The following MECOM variants were observed in gnomAD, a reference collection of about 807,000 sequenced individuals.
The protein encoded by MECOM is histone-lysine N-methyltransferase MECOM.
Under a neutral mutation model 116.3 loss-of-function variants are expected in MECOM, and 13 were observed. The observed-to-expected ratio is 0.11, with a 90% CI of 0.07 to 0.18. The LOEUF (loss-of-function observed/expected upper bound fraction) is 0.18, where lower values mean the gene tolerates loss of function less well. MECOM is among the 10% of genes least tolerant of loss of function. MECOM has a pLI of 1.00. For synonymous variants in MECOM, 528 were observed against 535.2 expected, an observed-to-expected ratio of 0.99 and a Z score of 0.19; for missense variants, 1,299 against 1,509.0, an observed-to-expected ratio of 0.86 and a Z score of 2.31.
intron 10 of MECOM, 121 bp downstream of exon 10, chr3:169,107,805 A>G (rs1725920714): frequency 1.3e-6 from 1 of 747,260 alleles, no homozygotes; most frequent in Non-Finnish European, 2.2e-6. Context: ...ATCTGCTGGA[A>G]CCATATCACG....
At chr3:169,092,559 C>T (rs531694074) in intron 14 of MECOM, among the ~76,000 whole-genome samples, 13 of 152,030 alleles carry the variant, frequency 8.6e-5, no homozygotes, top group South Asian at 2.1e-4. Context: ...ATCCCTGTGA[C>T]GGCTTTCTCT....
intron 1 of MECOM, among the ~76,000 whole-genome samples, chr3:169,526,008 T>A (rs1032970803): frequency 6.8e-5 from 10 of 147,872 alleles, no homozygotes; most frequent in South Asian, 4.2e-4. Context: ...AGCCTGGGCA[T>A]AAGAGCGAAA....
chr3:169,599,810 A>C (rs1451357784), intron 1 of MECOM, among the ~76,000 whole-genome samples: 1 of 152,242 alleles, frequency 6.6e-6, no homozygotes, highest in Non-Finnish European at 1.5e-5. Flanking sequence ...TTCCCTGATC[A>C]TTCAAAGAGA....
chr3:169,643,797 T>C (rs1428995003), intron 1 of MECOM, among the ~76,000 whole-genome samples: 1 of 152,216 alleles, frequency 6.6e-6, no homozygotes, highest in African/African-American at 2.4e-5. Flanking sequence ...GTAAACACTC[T>C]ATAGCAGAAA....
intron 2 of MECOM, among the ~76,000 whole-genome samples, chr3:169,312,403 C>G (rs896581763): frequency 5.6e-4 from 75 of 133,592 alleles, no homozygotes; most frequent in African/African-American, 1.6e-3. Context: ...GAGCCTCACT[C>G]TGTCGCCCAG....
intron 1 of MECOM, among the ~76,000 whole-genome samples, chr3:169,540,072 C>T (rs552545738): frequency 6.6e-6 from 1 of 152,146 alleles, no homozygotes; most frequent in African/African-American, 2.4e-5. Context: ...CATGTACGCT[C>T]TCTCTTCCTG....
At chr3:169,316,277 A>G (rs1719726598) in intron 2 of MECOM, among the ~76,000 whole-genome samples, 1 of 152,230 alleles carries the variant, frequency 6.6e-6, no homozygotes, top group South Asian at 2.1e-4. Context: ...AGAAGAATTA[A>G]AACACCCTCT....
chr3:169,290,319 GA>G (rs1277311591), intron 2 of MECOM, among the ~76,000 whole-genome samples: 1 of 152,122 alleles, frequency 6.6e-6, no homozygotes, highest in Admixed American at 6.6e-5. Flanking sequence ...GTCTTATAAT[GA>G]AATCATTTTT....
intron 2 of MECOM, among the ~76,000 whole-genome samples, chr3:169,300,609 G>A (rs1577641512): frequency 6.6e-6 from 1 of 152,172 alleles, no homozygotes; most frequent in Non-Finnish European, 1.5e-5. Context: ...GATATTTGAA[G>A]CTAGTCCTCA....
intron 1 of MECOM, among the ~76,000 whole-genome samples, chr3:169,395,368 A>T (rs1734864694): frequency 6.6e-6 from 1 of 152,178 alleles, no homozygotes; most frequent in Non-Finnish European, 1.5e-5. Context: ...CCTTCTCTAA[A>T]TTGGGAAGTT....
At chr3:169,462,215 C>T (rs1456916062) in intron 1 of MECOM, among the ~76,000 whole-genome samples, 1 of 152,122 alleles carries the variant, frequency 6.6e-6, no homozygotes, top group East Asian at 1.9e-4. Flanking sequence ...GCAGGGAAAG[C>T]CTATACTCTC....
At chr3:169,099,869 A>G (rs549466146) in intron 12 of MECOM, among the ~76,000 whole-genome samples, 5 of 152,148 alleles carry the variant, frequency 3.3e-5, no homozygotes, top group Non-Finnish European at 7.4e-5. Flanking sequence ...TCTATTTTCA[A>G]TCTAATCTTT....
intron 7 of MECOM, among the ~76,000 whole-genome samples, chr3:169,120,461 G>C (rs1225741315): frequency 6.6e-6 from 1 of 152,192 alleles, no homozygotes; most frequent in Non-Finnish European, 1.5e-5. Context: ...AAGAGAAACA[G>C]CATGTCCAGC....
At chr3:169,494,612 A>G (rs953429189) in intron 1 of MECOM, among the ~76,000 whole-genome samples, 7 of 152,336 alleles carry the variant, frequency 4.6e-5, no homozygotes, top group Middle Eastern at 3.4e-3. Flanking sequence ...TTTATTATAC[A>G]CCACTAAGAT....
intron 4 of MECOM, among the ~76,000 whole-genome samples, chr3:169,128,793 G>T (rs1733730334): frequency 6.6e-6 from 1 of 152,246 alleles, no homozygotes; most frequent in African/African-American, 2.4e-5. Context: ...AAATCAATAA[G>T]ATAAATAAAT....
chr3:169,337,249 A>AT (rs1364603338), intron 2 of MECOM, among the ~76,000 whole-genome samples: 2 of 152,112 alleles, frequency 1.3e-5, no homozygotes, highest in Non-Finnish European at 2.9e-5. Flanking sequence ...CAATATATAA[A>AT]TTTTTTTAGG....
intron 2 of MECOM, among the ~76,000 whole-genome samples, chr3:169,307,558 G>T (rs1338560444): frequency 1.3e-5 from 2 of 152,102 alleles, no homozygotes; most frequent in Non-Finnish European, 2.9e-5. Context: ...AACAGGGCAA[G>T]GCCTCATCTC....
rs767532402 is a variant in MECOM at position 169,641,054 on chromosome 3, G to A, written c.37+22282C>T. On this transcript the variant is annotated intron_variant, in intron 1 of 16. Transcript: ENST00000651503. ...AAGAGGCAGCACTGGGAGGGCAGAA[G>A]TCTTTTCACATTGCCACCTGTCATG... Among the ~76,000 whole-genome samples, 39 of 152,336 alleles carry A rather than the reference G, an allele frequency of 2.6e-4. 1 individual carries two copies. The highest frequency in any genetic ancestry group is 1.9e-3 in the South Asian group (9 of 4,826).
At chr3:169,645,520 T>C (rs1193862418) in intron 1 of MECOM, among the ~76,000 whole-genome samples, 1 of 152,208 alleles carries the variant, frequency 6.6e-6, no homozygotes, top group African/African-American at 2.4e-5. Context: ...ATTGTCTCCT[T>C]AGAAATGGCC....
Sources: gnomAD v4.1 joint callset for allele counts (sites outside exome capture counted in the v4.1 genomes callset) on GRCh38, gnomAD v4.1.1 for gene constraint, MANE v1.5 for transcripts, NCBI Gene and HGNC (gene_info 2026-07-23, HGNC 2026-07-21) for gene names.